The following TBC1D1 variants were observed in gnomAD, a reference collection of about 807,000 sequenced individuals.
The protein encoded by TBC1D1 is TBC1 (tre-2/USP6, BUB2, cdc16) domain family, member 1.
A neutral mutation model predicts 125.6 loss-of-function variants in TBC1D1; 89 were observed. That is an observed-to-expected ratio of 0.71 (90% CI 0.60 to 0.85). TBC1D1 has a LOEUF of 0.85. Among genes scored for constraint, TBC1D1 ranks in the 40% least tolerant of loss-of-function variants. The pLI is 0.00. For missense variants in TBC1D1, 1,377 were observed against 1,469.2 expected, an observed-to-expected ratio of 0.94 and a Z score of 1.03; for synonymous variants, 565 against 564.1, an observed-to-expected ratio of 1.00 and a Z score of -0.02.
intron 12 of TBC1D1, 141 bp from the exon 15 acceptor site, chr4:38,089,791 G>A: frequency 1.2e-6 from 1 of 857,374 alleles, no homozygotes; most frequent in Non-Finnish European, 1.7e-6. Context: ...TTATGCCAAT[G>A]CATATTAACA....
chr4:38,047,798 T>C (rs758595744), intron 10 of TBC1D1, among the ~76,000 whole-genome samples: 10 of 152,124 alleles, frequency 6.6e-5, no homozygotes, highest in Non-Finnish European at 1.2e-4. Flanking sequence ...GCTTTTGGAC[T>C]AAATCTTGGT....
intron 12 of TBC1D1, among the ~76,000 whole-genome samples, chr4:38,088,409 A>G (rs1036316957): frequency 6.6e-6 from 1 of 152,204 alleles, no homozygotes; most frequent in African/African-American, 2.4e-5. Context: ...TTTAGAAAAT[A>G]CAGGGAAAAC....
At chr4:37,939,662 G>C (rs1725132174) in intron 2 of TBC1D1, among the ~76,000 whole-genome samples, 1 of 152,160 alleles carries the variant, frequency 6.6e-6, no homozygotes, top group Non-Finnish European at 1.5e-5. Context: ...TTAGGTCTAA[G>C]ATTTAAGTCT....
At chr4:37,914,686 A>G (rs1167146541) in intron 2 of TBC1D1, among the ~76,000 whole-genome samples, 1 of 152,196 alleles carries the variant, frequency 6.6e-6, no homozygotes, top group African/African-American at 2.4e-5. Context: ...AAAGTCCTGT[A>G]TCTTTGCTGG....
chr4:38,037,318 G>A (rs915597777), intron 8 of TBC1D1, among the ~76,000 whole-genome samples: 1 of 151,666 alleles, frequency 6.6e-6, no homozygotes, highest in South Asian at 2.1e-4. Context: ...CAATGTAGAA[G>A]TGACTGAGCC....
At chr4:38,105,018 G>A (rs1761056586) in intron 15 of TBC1D1, among the ~76,000 whole-genome samples, 1 of 152,108 alleles carries the variant, frequency 6.6e-6, no homozygotes, top group Non-Finnish European at 1.5e-5. Flanking sequence ...GCCTCTCAAA[G>A]TGCTGGGATT....
At chr4:37,914,855 G>A (rs1049954347) in intron 2 of TBC1D1, among the ~76,000 whole-genome samples, 3 of 152,166 alleles carry the variant, frequency 2.0e-5, no homozygotes, top group African/African-American at 7.2e-5. Context: ...GCTTCCTTAG[G>A]TCACTATGGA....
intron 17 of TBC1D1, among the ~76,000 whole-genome samples, chr4:38,120,910 T>G (rs1341535187): frequency 6.6e-6 from 1 of 152,182 alleles, no homozygotes; most frequent in Non-Finnish European, 1.5e-5. Context: ...CTCTGATGTT[T>G]TTCTATAGGA....
intron 2 of TBC1D1, among the ~76,000 whole-genome samples, chr4:37,935,931 T>G (rs991428374): frequency 1.3e-5 from 2 of 152,190 alleles, no homozygotes; most frequent in Non-Finnish European, 2.9e-5. Context: ...GTCTTCTATA[T>G]TCTCTTCAGC....
In TBC1D1 at chr4:38,049,681, T is replaced by A. The variant is rs1162398045; in HGVS notation, c.1693T>A (p.Ser565Thr). ...TGAGAGCTCCTTTAAGCTCCTCGGC[T>A]CCTCGGAGGACCTGTCCAGTGACTC... The change falls in exon 11 of 20, where the codon TCC becomes ACC. Residue 565 changes from serine to threonine, a missense_variant. Around this residue, in one of 3 missense-constraint regions of TBC1D1, gnomAD observed 822 missense variants for 824.6 expected, o/e 1.00. Coordinates refer to ENST00000261439, the MANE Select transcript of TBC1D1 (RefSeq NM_015173.4). 6.2e-7 allele frequency: 1 copy of A among 1,614,014 alleles called. No homozygotes were observed. The highest frequency in any genetic ancestry group is 8.5e-7 in the Non-Finnish European group (1 of 1,180,022).
chr4:38,003,498 A>G (rs769820483), intron 2 of TBC1D1, among the ~76,000 whole-genome samples: 34 of 152,162 alleles, frequency 2.2e-4, no homozygotes, highest in Non-Finnish European at 4.4e-4. Flanking sequence ...TATTGTAGAA[A>G]TTATTTTTGT....
chr4:37,972,057 C>T (rs1485220920), intron 2 of TBC1D1, among the ~76,000 whole-genome samples: 2 of 152,196 alleles, frequency 1.3e-5, no homozygotes, highest in African/African-American at 4.8e-5. Flanking sequence ...CACTTGGCCA[C>T]CTTCCCATTA....
At chr4:37,939,488 T>A (rs1725088476) in intron 2 of TBC1D1, among the ~76,000 whole-genome samples, 1 of 152,226 alleles carries the variant, frequency 6.6e-6, no homozygotes, top group Non-Finnish European at 1.5e-5. Context: ...TTTACTCTGA[T>A]GGTAGTTTCT....
At chr4:38,116,153 C>A (rs564289874) in intron 16 of TBC1D1, among the ~76,000 whole-genome samples, 199 bp downstream of exon 18, 1 of 152,172 alleles carries the variant, frequency 6.6e-6, no homozygotes, top group Non-Finnish European at 1.5e-5. Flanking sequence ...TTCATCGTCT[C>A]AATTTGTAGA....
intron 2 of TBC1D1, among the ~76,000 whole-genome samples, chr4:37,967,216 C>T (rs149325881): frequency 1.2e-3 from 186 of 152,142 alleles, no homozygotes; most frequent in African/African-American, 4.2e-3. Flanking sequence ...AAAAGAGGGC[C>T]GGGCACAGTG....
chr4:37,920,247 G>C (rs192160369), intron 2 of TBC1D1, among the ~76,000 whole-genome samples: 2 of 152,174 alleles, frequency 1.3e-5, no homozygotes, highest in Non-Finnish European at 1.5e-5. Flanking sequence ...GGGTTGGGGG[G>C]TGTAGTTTGA....
intron 2 of TBC1D1, among the ~76,000 whole-genome samples, chr4:37,967,929 T>C (rs1169085619): frequency 1.3e-5 from 2 of 152,212 alleles, no homozygotes. Flanking sequence ...TTCCATGAAT[T>C]TGAAACAAGC....
intron 12 of TBC1D1, among the ~76,000 whole-genome samples, chr4:38,086,441 G>A (rs1469972088): frequency 6.6e-6 from 1 of 152,328 alleles, no homozygotes; most frequent in South Asian, 2.1e-4. Context: ...AATGTCAGTA[G>A]TGCTGAGGTT....
intron 13 of TBC1D1, among the ~76,000 whole-genome samples, chr4:38,094,029 T>TA (rs1224276729): frequency 2.0e-5 from 3 of 152,234 alleles, no homozygotes; most frequent in African/African-American, 7.2e-5. Context: ...GTTTTTTATT[T>TA]AAAAAACATT....
Sources: allele counts gnomAD v4.1 joint callset (sites outside exome capture counted in the v4.1 genomes callset), GRCh38; gene constraint gnomAD v4.1.1; regional missense constraint gnomAD v4.1.1; transcripts MANE v1.5; gene names NCBI Gene and HGNC (gene_info 2026-07-23, HGNC 2026-07-21).